Variants in IL1RAPL2 observed in about 807,000 individuals in gnomAD.
IL1RAPL2 encodes interleukin 1 receptor accessory protein like 2.
Under a neutral mutation model 44.1 loss-of-function variants are expected in IL1RAPL2, and 3 were observed. The ratio of observed to expected loss-of-function variants is 0.07; its 90% CI spans 0.03 to 0.18. IL1RAPL2 has a LOEUF of 0.18. Ranked by LOEUF, IL1RAPL2 falls within the 10% of genes least tolerant of loss-of-function variation. IL1RAPL2 has a pLI of 1.00. For missense variants in IL1RAPL2, 391 were observed against 496.4 expected (o/e 0.79, Z 2.02); for synonymous variants, 181 against 178.8 (o/e 1.01, Z -0.10).
intron 2 of IL1RAPL2, among the ~76,000 whole-genome samples, chrX:105,098,301 T>G (rs1420896181): frequency 9.0e-6 from 1 of 111,551 alleles, no homozygotes; most frequent in Non-Finnish European, 1.9e-5. Context: ...TCTTCATCAG[T>G]CTCTTGCTTT....
intron 2 of IL1RAPL2, among the ~76,000 whole-genome samples, chrX:105,024,955 C>T (rs2031342986): frequency 9.4e-6 from 1 of 106,079 alleles, no homozygotes; most frequent in Non-Finnish European, 1.9e-5. Flanking sequence ...AATACATTTT[C>T]TATGCCTACT....
chrX:104,988,760 A>C (rs1176811920), intron 2 of IL1RAPL2, among the ~76,000 whole-genome samples: 1 of 112,272 alleles, frequency 8.9e-6, no homozygotes, highest in Admixed American at 9.5e-5. Flanking sequence ...AAATTCACTG[A>C]TTAAGTAATG....
At chrX:104,732,415 A>C (rs1931937603) in intron 2 of IL1RAPL2, among the ~76,000 whole-genome samples, 1 of 112,260 alleles carries the variant, frequency 8.9e-6, no homozygotes, top group Non-Finnish European at 1.9e-5. Context: ...TTGACAAGTC[A>C]TCAGTATTAA....
At chrX:104,849,269 C>T (rs1359692170) in intron 2 of IL1RAPL2, among the ~76,000 whole-genome samples, 1 of 104,191 alleles carries the variant, frequency 9.6e-6, no homozygotes, top group Non-Finnish European at 2.0e-5. Flanking sequence ...AGGCTGGTCT[C>T]AAACTCCCAG....
chrX:105,476,864 A>T (rs1327508443), intron 5 of IL1RAPL2, among the ~76,000 whole-genome samples: 3 of 112,161 alleles, frequency 2.7e-5, no homozygotes, highest in Non-Finnish European at 5.6e-5. Context: ...ACTTGTCTTC[A>T]TCGGCTTCTG....
At position 105,075,308 on chromosome X, in the gene IL1RAPL2, T is replaced by A. The variant is rs779255367; in HGVS notation, c.83-120167T>A. The stretch of plus-strand genomic sequence containing the variant: ...GCATCTATTGAGATAATCATGTGGT[T>A]TTTGTCTTTGGTTCTGTTTATATGC... On this transcript the variant is annotated intron_variant, in intron 2 of 10. Transcript: ENST00000372582. Among the ~76,000 whole-genome samples, 5 of 112,005 alleles carry A rather than the reference T, an allele frequency of 4.5e-5. No homozygotes were observed. In the East Asian group the frequency reaches 1.4e-3, roughly 32 times the overall value.
chrX:105,749,042 C>T lies in IL1RAPL2; in HGVS notation c.1131C>T (p.Cys377=), dbSNP rs1378587589. Residue 377 remains cysteine (C), a synonymous_variant, in exon 9 of 11, where the codon TGC becomes TGT. Transcript: ENST00000372582. ...LLVLLVVIYK[C]YNIELMLFYR... is the part of the protein sequence containing the mutation. ...TACTGCTGGTGGTCATTTACAAATG[C>T]TACAACATTGAATTGATGCTCTTCT... 1 of 1,209,319 alleles carries T rather than the reference C, an allele frequency of 8.3e-7. No homozygotes were observed. Among genetic ancestry groups the T allele is most frequent in the South Asian group, 1.8e-5 (1 of 56,771 alleles).
At chrX:104,757,254 A>G (rs934610903) in intron 2 of IL1RAPL2, among the ~76,000 whole-genome samples, 1 of 111,645 alleles carries the variant, frequency 9.0e-6, no homozygotes, top group Admixed American at 9.5e-5. Flanking sequence ...TGAGAGAACA[A>G]AAGGAATCAA....
At chrX:105,708,260 T>C (rs1389911985) in intron 6 of IL1RAPL2, among the ~76,000 whole-genome samples, 2 of 111,658 alleles carry the variant, frequency 1.8e-5, no homozygotes, top group Non-Finnish European at 3.8e-5. Flanking sequence ...ATGGGACCTA[T>C]GTTAAAACTA....
intron 2 of IL1RAPL2, among the ~76,000 whole-genome samples, chrX:104,894,770 C>A (rs969637464): frequency 3.4e-4 from 38 of 112,401 alleles, no homozygotes; most frequent in African/African-American, 1.2e-3. Flanking sequence ...TCATCTGAAG[C>A]CTTCTTGTCT....
chrX:105,398,877 T>C (rs924216621), intron 5 of IL1RAPL2, among the ~76,000 whole-genome samples: 122 of 111,897 alleles, frequency 1.1e-3, no homozygotes, highest in African/African-American at 3.8e-3. Context: ...TTCTCTACAG[T>C]GCCCAACACA....
Position 105,495,067 on chromosome X carries a change from A to G in IL1RAPL2, c.772+10680A>G, listed in dbSNP as rs972860449. Reference sequence around the variant, plus strand: ...GTGGAAAAGTCAAAGGCTGAAAGCCATCACAAATCAGGCAACAAATGGATA... The same window carrying G: ...GTGGAAAAGTCAAAGGCTGAAAGCCGTCACAAATCAGGCAACAAATGGATA... On this transcript the variant is annotated intron_variant, in intron 6 of 10. Coordinates refer to ENST00000372582, the MANE Select transcript of IL1RAPL2 (RefSeq NM_017416.2). 6.2e-5 allele frequency among the ~76,000 whole-genome samples: 7 copies of G among 112,787 alleles called. No homozygotes were observed. In the East Asian group the frequency reaches 1.1e-3, roughly 18 times the overall value.
intron 2 of IL1RAPL2, among the ~76,000 whole-genome samples, chrX:105,151,782 T>TATAC (rs1491272193): frequency 2.2e-5 from 2 of 91,335 alleles, no homozygotes; most frequent in African/African-American, 1.4e-4. Context: ...AACTACAGTG[T>TATAC]ATATATATAT....
chrX:104,581,784 C>T (rs1167668705), intron 1 of IL1RAPL2, among the ~76,000 whole-genome samples: 1 of 111,342 alleles, frequency 9.0e-6, no homozygotes, highest in Admixed American at 9.6e-5. Flanking sequence ...CTGCCTCAGC[C>T]TCCCAAAGTG....
intron 6 of IL1RAPL2, among the ~76,000 whole-genome samples, chrX:105,538,383 T>A (rs1353040262): frequency 1.8e-5 from 2 of 110,077 alleles, no homozygotes; most frequent in Non-Finnish European, 3.8e-5. Context: ...TAACCTGCCT[T>A]AGTATTTTCC....
At chrX:105,293,817 A>G (rs2034634328) in intron 5 of IL1RAPL2, among the ~76,000 whole-genome samples, 1 of 111,828 alleles carries the variant, frequency 8.9e-6, no homozygotes, top group African/African-American at 3.2e-5. Context: ...TCAAGCTCTA[A>G]GGACCCTTTA....
chrX:105,572,111 T>C (rs1443656225), intron 6 of IL1RAPL2, among the ~76,000 whole-genome samples: 1 of 111,702 alleles, frequency 9.0e-6, no homozygotes, highest in African/African-American at 3.3e-5. Flanking sequence ...GTGTACCTAA[T>C]TATATAATAG....
intron 2 of IL1RAPL2, among the ~76,000 whole-genome samples, chrX:105,121,615 CTTTTTT>C (rs375923492): frequency 9.0e-6 from 1 of 110,839 alleles, no homozygotes; most frequent in Non-Finnish European, 1.9e-5. Context: ...TCTGAATAAA[CTTTTTT>C]TTTATTTTTC....
chrX:105,767,702 A>G lies in IL1RAPL2; in HGVS notation c.*41A>G, dbSNP rs780465516. On this transcript the variant is annotated 3_prime_UTR_variant, in exon 11 of 11. Transcript: ENST00000372582. ...CCTCTGAACAGCTAGATAAGCATAG[A>G]GAATTTCTGTTATACCAAGCATAAA... The G allele has an allele frequency of 2.1e-6, 2 of 969,963 alleles. No individual in the cohort carries two copies. Among genetic ancestry groups the G allele is most frequent in the Non-Finnish European group, 2.9e-6 (2 of 687,719 alleles). 79.9% of individuals were successfully genotyped at this position (969,963 alleles called of 1,213,427 possible). A position where few individuals can be genotyped will look rare whatever the true frequency, so the allele number is the denominator to read the frequency against.
Sources: allele counts gnomAD v4.1 joint callset (sites outside exome capture counted in the v4.1 genomes callset), GRCh38; gene constraint gnomAD v4.1.1; transcripts MANE v1.5; gene names NCBI Gene and HGNC (gene_info 2026-07-23, HGNC 2026-07-21).